Variants in TPM4 observed in about 807,000 individuals in gnomAD.
The protein encoded by TPM4 is tropomyosin alpha-4 chain.
TPM4 carries 17 observed loss-of-function variants against 35.8 expected under a neutral mutation model. The ratio of observed to expected loss-of-function variants is 0.47; its 90% CI spans 0.32 to 0.71. The LOEUF (loss-of-function observed/expected upper bound fraction) is 0.71. Among genes scored for constraint, TPM4 ranks in the 30% least tolerant of loss-of-function variants. The probability of loss-of-function intolerance (pLI) is 0.03; values close to 1 mark genes in which losing one functional copy is unlikely to be tolerated. For missense variants in TPM4, 240 were observed against 320.9 expected, an observed-to-expected ratio of 0.75 and a Z score of 1.93; for synonymous variants, 120 against 122.9, an observed-to-expected ratio of 0.98 and a Z score of 0.15.
At chr19:16,074,702 G>C (rs979525935), upstream of TPM4, 1 of 152,374 alleles carries the variant, frequency 6.6e-6, no homozygotes, top group Non-Finnish European at 1.5e-5. Flanking sequence ...GCCTCCTGCT[G>C]TGGGGAGGAA....
chr19:16,084,830 G>A (rs896518784), intron 2 of TPM4, among the ~76,000 whole-genome samples: 1 of 152,174 alleles, frequency 6.6e-6, no homozygotes, highest in Admixed American at 6.6e-5. Context: ...CTGAGAACGG[G>A]TGACACCCCA....
chr19:16,095,712 A>G (rs2090687835), intron 7 of TPM4: 1 of 487,104 alleles, frequency 2.1e-6, no homozygotes, highest in African/African-American at 2.1e-5. Context: ...GCTCTCAGAT[A>G]CCGCTGTTAG....
At position 16,076,884 on chromosome 19, in the gene TPM4, C is replaced by G. The variant is rs2090414901; in HGVS notation, c.132+187C>G. ...GACCCCCTACTTCCTCCGCCGTCCTCCTTCCTGGGCCTGGGACAGGGGAGG... is the reference window on the plus strand; with the variant it reads ...GACCCCCTACTTCCTCCGCCGTCCTGCTTCCTGGGCCTGGGACAGGGGAGG... On this transcript the variant is annotated intron_variant, in intron 1 of 7. Transcript: ENST00000643579. The G allele has an allele frequency of 8.3e-6, 10 of 1,206,174 alleles. No homozygotes were observed. The South Asian group carries it at 2.7e-4, about 33-fold the overall frequency. The allele number at this position is 1,206,174 out of a possible 1,614,324, so 74.7% of individuals were successfully genotyped here.
intron 4 of TPM4, chr19:16,088,530 G>A: frequency 2.9e-6 from 3 of 1,049,402 alleles, no homozygotes; most frequent in Non-Finnish European, 2.3e-6. Context: ...AGCTTAACCA[G>A]AATCCCACAA....
At chr19:16,088,227 C>T (rs1450134847) in intron 4 of TPM4, 130 bp downstream of exon 4, 3 of 1,429,214 alleles carry the variant, frequency 2.1e-6, no homozygotes, top group Non-Finnish European at 2.8e-6. Flanking sequence ...GGGCTCATGG[C>T]TCATCTTTTC....
intron 2 of TPM4, among the ~76,000 whole-genome samples, chr19:16,086,197 G>A (rs1014338653): frequency 2.6e-5 from 4 of 151,800 alleles, no homozygotes; most frequent in South Asian, 2.1e-4. Context: ...GGTGTCTCAC[G>A]CAATTAGCCA....
intron 5 of TPM4, among the ~76,000 whole-genome samples, 190 bp downstream of exon 5, chr19:16,089,310 C>T (rs186894950): frequency 6.6e-6 from 1 of 152,260 alleles, no homozygotes; most frequent in Non-Finnish European, 1.5e-5. Context: ...AGTCCTCTTC[C>T]ATGGGGTCTG....
rs146840440 is a variant in TPM4, at chr19:16,079,365, G to A, written c.133-2548G>A. Among the ~76,000 whole-genome samples, 373 of 152,314 alleles carry A rather than the reference G, an allele frequency of 2.4e-3. 1 individual carries two copies. Among genetic ancestry groups the A allele is most frequent in the African/African-American group, 8.6e-3 (359 of 41,568 alleles). On this transcript the variant is annotated intron_variant, in intron 1 of 7. Transcript: ENST00000643579. ...TCGATAATGGTGTTGGTTGCAGAGT[G>A]TTTTTGCAACATCAGTTCCTGGCCC...
At chr19:16,076,787 C>G in intron 1 of TPM4, 90 bp downstream of exon 1, 2 of 1,280,942 alleles carry the variant, frequency 1.6e-6, no homozygotes, top group African/African-American at 3.1e-5. Context: ...CCCGCCCGCG[C>G]GCAGTCCTCG....
At chr19:16,080,593 G>A (rs1012470993) in intron 1 of TPM4, among the ~76,000 whole-genome samples, 1 of 152,132 alleles carries the variant, frequency 6.6e-6, no homozygotes, top group African/African-American at 2.4e-5. Flanking sequence ...GGTGGATCAC[G>A]TGAGGCCAGG....
In TPM4 at chr19:16,070,699, A is replaced by G. The variant is rs1166000725; in HGVS notation, c.114+2961A>G. On this transcript the variant is annotated intron_variant, in intron 2 of 2. Coordinates refer to the TPM4 transcript ENST00000589897. The surrounding 1 kb of genome is among the most constrained non-coding windows in gnomAD (Gnocchi z 7.4). ...GAGCCTAGCTCAGAGTAAGCACTCA[A>G]TAAATGTAGGTTGATTTCCTGCCCC... Among the ~76,000 whole-genome samples the G allele has an allele frequency of 6.6e-6, 1 of 152,198 alleles. No homozygotes were observed. Among genetic ancestry groups the G allele is most frequent in the African/African-American group, 2.4e-5 (1 of 41,448 alleles).
At chr19:16,098,470 A>G (rs544868862) in intron 7 of TPM4, among the ~76,000 whole-genome samples, 1 of 151,332 alleles carries the variant, frequency 6.6e-6, no homozygotes, top group African/African-American at 2.4e-5. Flanking sequence ...AGAAAAGAAA[A>G]GAGATTAGCA....
At chr19:16,094,222 A>G (rs2090666328) in intron 7 of TPM4, among the ~76,000 whole-genome samples, 1 of 152,098 alleles carries the variant, frequency 6.6e-6, no homozygotes, top group South Asian at 2.1e-4. Context: ...CTCTGATTAA[A>G]AAAATATTAA....
At chr19:16,079,554 C>T (rs562116929) in intron 1 of TPM4, among the ~76,000 whole-genome samples, 79 of 152,310 alleles carry the variant, frequency 5.2e-4, no homozygotes, top group African/African-American at 1.9e-3. Context: ...TACGAAACAC[C>T]TGTGGGAGTG....
chr19:16,076,006 C>CAA (rs34376537), upstream of TPM4: 78 of 1,482,762 alleles, frequency 5.3e-5, no homozygotes, highest in Middle Eastern at 1.9e-4. Context: ...GGACGTGACC[C>CAA]CCCCCCCAGG....
upstream of TPM4, chr19:16,075,873 C>G (rs1335764943): frequency 6.4e-6 from 6 of 932,372 alleles, no homozygotes; most frequent in East Asian, 1.4e-4. Flanking sequence ...ATCCCACTAT[C>G]AGGTAGCATG....
At position 16,093,839 on chromosome 19, in the gene TPM4, G is replaced by A. The variant is rs995803728; in HGVS notation, c.664+86G>A. 1.6e-4 allele frequency: 236 copies of A among 1,470,172 alleles called. 1 individual carries two copies. In the African/African-American group the frequency reaches 3.0e-3, roughly 19 times the overall value. The allele number at this position is 1,470,172 out of a possible 1,614,324, so 91.1% of individuals were successfully genotyped here. On this transcript the variant is annotated intron_variant, in intron 7 of 7. Transcript: ENST00000643579. ...GGACAGTTGGGGAATGTTTGTGGAG[G>A]GGCTGGGTTGGGCTTTGTTTGCCTT... is the stretch of plus-strand genomic sequence containing the variant.
intron 5 of TPM4, among the ~76,000 whole-genome samples, chr19:16,091,611 C>G (rs888114441): frequency 4.6e-5 from 7 of 152,140 alleles, no homozygotes; most frequent in Middle Eastern, 3.4e-3. Context: ...CCCGTCTCTA[C>G]CAAAAATACA....
chr19:16,079,439 A>G (rs2090454406), intron 1 of TPM4, among the ~76,000 whole-genome samples: 1 of 152,208 alleles, frequency 6.6e-6, no homozygotes, highest in South Asian at 2.1e-4. Context: ...ATTAAAAAGA[A>G]TGAAAGGCAC....
Sources: gnomAD v4.1 joint callset for allele counts (sites outside exome capture counted in the v4.1 genomes callset) on GRCh38, gnomAD v4.1.1 for gene constraint, Gnocchi (gnomAD v3.1) non-coding constraint, MANE v1.5 for transcripts, NCBI Gene and HGNC (gene_info 2026-07-23, HGNC 2026-07-21) for gene names.